TOP3A: variants seen among roughly 807,000 people sequenced by gnomAD.
TOP3A encodes DNA topoisomerase 3-alpha.
TOP3A carries 64 observed loss-of-function variants against 111.3 expected under a neutral mutation model. The observed-to-expected ratio is 0.57, with a 90% confidence interval of 0.47 to 0.71. The LOEUF is 0.71. TOP3A is among the 30% of genes least tolerant of loss of function. TOP3A has a pLI of 0.00. For synonymous variants in TOP3A, 484 were observed against 485.1 expected (o/e 1.00, Z 0.03); for missense variants, 1,104 against 1,285.0 (o/e 0.86, Z 2.15).
chr17:18,306,977 A>C lies in TOP3A; in HGVS notation c.315-11T>G, dbSNP rs115210168. 6.8e-4 allele frequency: 1,088 copies of C among 1,604,332 alleles called. 9 individuals carry two copies. The African/African-American group carries it at 0.013, about 19-fold the overall frequency. Reference sequence around the variant, plus strand: ...GGGTTGCAGCTCTGCCTAGAAAAGAAATGAAAACAGAGTCCCAACTCAGTA... The same window carrying C: ...GGGTTGCAGCTCTGCCTAGAAAAGACATGAAAACAGAGTCCCAACTCAGTA... On this transcript the variant is annotated splice_polypyrimidine_tract_variant and intron_variant, in intron 3 of 18. Transcript: ENST00000321105.
intron 16 of TOP3A, among the ~76,000 whole-genome samples, chr17:18,282,238 T>C (rs889790939): frequency 2.0e-5 from 3 of 152,296 alleles, no homozygotes; most frequent in East Asian, 1.9e-4. Flanking sequence ...ATGTGCTATA[T>C]AGTCCTGACC....
chr17:18,294,851 C>T lies in TOP3A; in HGVS notation c.991-66G>A, dbSNP rs1432325797. 6.6e-6 allele frequency: 7 copies of T among 1,062,192 alleles called. No individual in the cohort carries two copies. The Admixed American group carries it at 1.1e-4, about 16-fold the overall frequency. 65.8% of individuals were successfully genotyped at this position (1,062,192 alleles called of 1,614,324 possible). On this transcript the variant is annotated intron_variant, in intron 9 of 18. Transcript: ENST00000321105. ...GGTCAGGCAGCACAACTCAAATACACAACTCATCTTCAGTCAAATCTGGCC... is the reference window on the plus strand; with the variant it reads ...GGTCAGGCAGCACAACTCAAATACATAACTCATCTTCAGTCAAATCTGGCC...
At chr17:18,302,029 A>G (rs1405188841) in intron 7 of TOP3A, 44 bp from the exon 8 acceptor site, 2 of 1,556,700 alleles carry the variant, frequency 1.3e-6, no homozygotes, top group Admixed American at 1.7e-5. Flanking sequence ...TCTCAGAGAC[A>G]TGTCATGATA....
intron 18 of TOP3A, 75 bp from the exon 19 acceptor site, chr17:18,275,055 A>G (rs1979254735): frequency 6.5e-7 from 1 of 1,539,586 alleles, no homozygotes; most frequent in South Asian, 1.2e-5. Context: ...ACGGTGGCTC[A>G]TGCCTGTAAT....
At chr17:18,283,119 G>A (rs987075728) in intron 15 of TOP3A, among the ~76,000 whole-genome samples, 2 of 152,124 alleles carry the variant, frequency 1.3e-5, no homozygotes, top group Admixed American at 6.6e-5. Context: ...GGTGGCTCAC[G>A]CCTGTAATCC....
chr17:18,311,202 G>A (rs531330323), intron 1 of TOP3A, among the ~76,000 whole-genome samples: 4 of 151,912 alleles, frequency 2.6e-5, no homozygotes, highest in Non-Finnish European at 5.9e-5. Flanking sequence ...GGGTTTCACC[G>A]TGTTAGCCAG....
At chr17:18,286,164 C>T (rs1980081771) in intron 13 of TOP3A, among the ~76,000 whole-genome samples, 1 of 148,730 alleles carries the variant, frequency 6.7e-6, no homozygotes, top group Non-Finnish European at 1.5e-5. Context: ...GGCACCGTTG[C>T]ACTCCAGCCT....
intron 18 of TOP3A, among the ~76,000 whole-genome samples, chr17:18,277,201 A>G (rs1472301663): frequency 3.3e-5 from 5 of 151,704 alleles, no homozygotes; most frequent in East Asian, 1.9e-4. Flanking sequence ...AAAAAAAAAA[A>G]AAAAAGAAAT....
chr17:18,285,854 G>A (rs1339420903), intron 13 of TOP3A, among the ~76,000 whole-genome samples: 1 of 152,150 alleles, frequency 6.6e-6, no homozygotes, highest in African/African-American at 2.4e-5. Context: ...TTAAGCTGTG[G>A]CCAAAGGGAC....
intron 9 of TOP3A, among the ~76,000 whole-genome samples, chr17:18,297,273 A>G (rs1980870589): frequency 6.6e-6 from 1 of 152,194 alleles, no homozygotes; most frequent in Non-Finnish European, 1.5e-5. Context: ...TACAAACACA[A>G]AATTAGCCAG....
At chr17:18,307,925 A>C (rs1370309488) in intron 3 of TOP3A, among the ~76,000 whole-genome samples, 2 of 150,166 alleles carry the variant, frequency 1.3e-5, no homozygotes, top group Non-Finnish European at 3.0e-5. Context: ...AAAAAAAAAA[A>C]AAAAACCGGG....
chr17:18,308,985 C>T, intron 1 of TOP3A, 44 bp from the exon 2 acceptor site: 1 of 1,088,374 alleles, frequency 9.2e-7, no homozygotes, highest in Non-Finnish European at 1.3e-6. Flanking sequence ...ACGTTTAAAA[C>T]AATGGATTCC....
chr17:18,290,990 T>C lies in TOP3A; in HGVS notation c.1319A>G (p.His440Arg), dbSNP rs1288563236. 5 of 1,614,180 alleles carry C rather than the reference T, an allele frequency of 3.1e-6. No individual in the cohort carries two copies. Among genetic ancestry groups the C allele is most frequent in the Admixed American group, 3.3e-5 (2 of 60,024 alleles). Residue 440 changes from histidine (H) to arginine (R), a missense_variant, in exon 12 of 19, where the codon CAT becomes CGT. Transcript: ENST00000321105. The part of the protein sequence containing the change: ...EQRLYEFIVR[H>R]FLACCSQDAQ... ...ATCCTGGGAGCAGCAAGCCAGGAAA[T>C]GGCGAACAATAAACTCGTACAGTCG... is the stretch of plus-strand genomic sequence containing the variant.
chr17:18,305,482 ACACACGCG>A (rs1981505539), intron 4 of TOP3A, among the ~76,000 whole-genome samples: 1 of 139,288 alleles, frequency 7.2e-6, no homozygotes, highest in African/African-American at 3.1e-5. Context: ...TCTAACACAC[ACACACGCG>A]CGCGCGCGCG....
chr17:18,293,804 C>T (rs1309626131), intron 10 of TOP3A, among the ~76,000 whole-genome samples: 3 of 151,668 alleles, frequency 2.0e-5, no homozygotes, highest in Admixed American at 6.6e-5. Context: ...ACCATGTTGG[C>T]CAGGCTGGTC....
intron 4 of TOP3A, among the ~76,000 whole-genome samples, chr17:18,305,484 ACACGCGCG>A (rs1316620944): frequency 1.4e-5 from 2 of 147,882 alleles, no homozygotes; most frequent in Non-Finnish European, 3.0e-5. Context: ...TAACACACAC[ACACGCGCG>A]CGCGCGCGCG....
Position 18,302,256 on chromosome 17 carries a change from G to A in TOP3A, c.814+8C>T. 1 of 1,604,696 alleles carries A rather than the reference G, an allele frequency of 6.2e-7. No individual in the cohort carries two copies. Among genetic ancestry groups the A allele is most frequent in the South Asian group, 1.1e-5 (1 of 89,956 alleles). The stretch of plus-strand genomic sequence containing the variant: ...GTCCCAGGCCATAACACCCACTCCA[G>A]GCCCTACCTTTAATTCTGTGGAAGA... On this transcript the variant is annotated splice_region_variant and intron_variant, in intron 7 of 18. Transcript: ENST00000321105.
intron 1 of TOP3A, among the ~76,000 whole-genome samples, chr17:18,314,296 C>T (rs1165119002): frequency 6.6e-6 from 1 of 152,222 alleles, no homozygotes; most frequent in Non-Finnish European, 1.5e-5. Context: ...CCCAGCCTCA[C>T]ACAAGACCCG....
At chr17:18,295,930 G>A (rs1446929994) in intron 9 of TOP3A, among the ~76,000 whole-genome samples, 1 of 151,640 alleles carries the variant, frequency 6.6e-6, no homozygotes, top group Non-Finnish European at 1.5e-5. Context: ...ACCACGCCTG[G>A]CTGATTTTTT....
Sources: allele counts gnomAD v4.1 joint callset (sites outside exome capture counted in the v4.1 genomes callset), GRCh38; gene constraint gnomAD v4.1.1; transcripts MANE v1.5; gene names NCBI Gene and HGNC (gene_info 2026-07-23, HGNC 2026-07-21).